The following UNC13C variants were observed in gnomAD, a reference collection of about 807,000 sequenced individuals.
UNC13C encodes the protein protein unc-13 homolog C.
In UNC13C, 174 loss-of-function variants were observed where a neutral mutation model predicts 245.4. The observed-to-expected ratio is 0.71, with a 90% CI of 0.63 to 0.80. The LOEUF (loss-of-function observed/expected upper bound fraction) is 0.80. Among genes scored for constraint, UNC13C ranks in the 30% least tolerant of loss-of-function variants. UNC13C has a pLI of 0.00. For synonymous variants in UNC13C, 992 were observed against 895.1 expected, an observed-to-expected ratio of 1.11 and a Z score of -1.93; for missense variants, 2,829 against 2,602.9, an observed-to-expected ratio of 1.09 and a Z score of -1.89.
At chr15:54,586,597 G>A (rs1244480349) in intron 30 of UNC13C, among the ~76,000 whole-genome samples, 1 of 152,174 alleles carries the variant, frequency 6.6e-6, no homozygotes, top group Non-Finnish European at 1.5e-5. Context: ...ACATTGGAGG[G>A]TGGGGCTTTT....
intron 22 of UNC13C, among the ~76,000 whole-genome samples, chr15:54,505,279 T>C (rs544874545): frequency 6.6e-6 from 1 of 152,262 alleles, no homozygotes; most frequent in South Asian, 2.1e-4. Context: ...CCTTGCCAGG[T>C]GCCCCGTCCA....
At chr15:54,219,888 A>G (rs62010027) in intron 4 of UNC13C, among the ~76,000 whole-genome samples, 52,938 of 150,918 alleles carry the variant, frequency 0.35, 10,199 homozygotes, top group African/African-American at 0.49. Flanking sequence ...AATCAAAACC[A>G]CAGTGAGATA....
chr15:54,370,162 TA>T (rs1312057370), intron 17 of UNC13C, among the ~76,000 whole-genome samples: 3 of 152,130 alleles, frequency 2.0e-5, no homozygotes, highest in Admixed American at 1.3e-4. Flanking sequence ...TATGCACAGA[TA>T]GGGGGAAAAA....
chr15:53,958,669 T>C, the UNC13C span, among the ~76,000 whole-genome samples: 1 of 152,166 alleles, frequency 6.6e-6, no homozygotes, highest in South Asian at 2.1e-4. Flanking sequence ...TTAAAAGTAT[T>C]TTATATTGGT....
At chr15:54,321,900 T>A (rs1344377064) in intron 13 of UNC13C, 39 bp from the exon 14 acceptor site, 1 of 1,534,194 alleles carries the variant, frequency 6.5e-7, no homozygotes. Context: ...AATTAATTAA[T>A]TTCTGTCTTA....
At chr15:54,416,418 C>G (rs1596345186) in intron 19 of UNC13C, among the ~76,000 whole-genome samples, 8 of 152,234 alleles carry the variant, frequency 5.3e-5, no homozygotes, top group Admixed American at 5.2e-4. Context: ...CTCCCACTCA[C>G]AAATAGAGAG....
chr15:54,202,385 A>C (rs2034551079), intron 4 of UNC13C, among the ~76,000 whole-genome samples: 1 of 152,060 alleles, frequency 6.6e-6, no homozygotes, highest in Non-Finnish European at 1.5e-5. Context: ...AAGAAGAACA[A>C]ATATGGAGGC....
At chr15:54,337,542 A>T (rs911904553) in intron 16 of UNC13C, among the ~76,000 whole-genome samples, 2 of 152,190 alleles carry the variant, frequency 1.3e-5, no homozygotes, top group Non-Finnish European at 2.9e-5. Context: ...CACACCAGTC[A>T]TCCAGTCTGT....
chr15:54,143,837 TA>T (rs1250847338), intron 4 of UNC13C, among the ~76,000 whole-genome samples, 153 bp downstream of exon 4: 2 of 152,052 alleles, frequency 1.3e-5, no homozygotes, highest in African/African-American at 2.4e-5. Flanking sequence ...AGTGTTTTCT[TA>T]AAAAAATGTA....
chr15:54,622,358 A>G lies in UNC13C; in HGVS notation c.6138A>G (p.Ile2046Met). The change falls in exon 31 of 33, where the codon ATA becomes ATG. Residue 2046 changes from isoleucine to methionine, a missense_variant. Physicochemically the swap from Ile to Met is conservative, Grantham distance 10. Transcript: ENST00000260323. ...SRSSKDAVGQ[I>M]SVHVDITATP... is the part of the protein sequence containing the mutation. Reference sequence around the variant, plus strand: ...CCTCCAAAGATGCCGTGGGTCAGATATCTGTTCATGTGGACATCACTGCCA... The same window carrying G: ...CCTCCAAAGATGCCGTGGGTCAGATGTCTGTTCATGTGGACATCACTGCCA... 2 of 1,613,376 alleles carry G rather than the reference A, an allele frequency of 1.2e-6. No homozygotes were observed. Among genetic ancestry groups the G allele is most frequent in the Non-Finnish European group, 1.7e-6 (2 of 1,179,474 alleles).
At chr15:54,323,950 G>A (rs1371754550) in intron 14 of UNC13C, among the ~76,000 whole-genome samples, 1 of 151,972 alleles carries the variant, frequency 6.6e-6, no homozygotes, top group Non-Finnish European at 1.5e-5. Flanking sequence ...AGGAAAATTA[G>A]ATAACATGCT....
At chr15:54,518,096 C>T (rs926596454) in intron 24 of UNC13C, among the ~76,000 whole-genome samples, 8 of 152,078 alleles carry the variant, frequency 5.3e-5, no homozygotes, top group African/African-American at 1.9e-4. Context: ...TCCTAATCAT[C>T]TCTGCAATTA....
chr15:53,936,448 G>C, the UNC13C span, among the ~76,000 whole-genome samples: 1 of 152,234 alleles, frequency 6.6e-6, no homozygotes. Flanking sequence ...TTTCCTGCCT[G>C]CTGGCTCTGG....
At chr15:54,419,818 T>G (rs1220463739) in intron 19 of UNC13C, among the ~76,000 whole-genome samples, 2 of 151,552 alleles carry the variant, frequency 1.3e-5, no homozygotes, top group Non-Finnish European at 2.9e-5. Context: ...AATTTAAATT[T>G]CTTGTTAACT....
At chr15:54,516,627 T>G (rs1303366747) in intron 24 of UNC13C, among the ~76,000 whole-genome samples, 1 of 151,982 alleles carries the variant, frequency 6.6e-6, no homozygotes, top group Non-Finnish European at 1.5e-5. Context: ...GGCAAAATCC[T>G]GTTTCTACTA....
At chr15:53,839,172 A>C in the UNC13C span, among the ~76,000 whole-genome samples, 1 of 151,964 alleles carries the variant, frequency 6.6e-6, no homozygotes, top group Non-Finnish European at 1.5e-5. Context: ...GCTGTGAGAA[A>C]TCTGTCTCCC....
At chr15:54,019,932 GGCA>G (rs1244599649) in intron 2 of UNC13C, among the ~76,000 whole-genome samples, 2 of 152,156 alleles carry the variant, frequency 1.3e-5, no homozygotes, top group Non-Finnish European at 2.9e-5. Context: ...AACGGGGCCA[GGCA>G]TATGCCTTTA....
intron 1 of UNC13C, among the ~76,000 whole-genome samples, chr15:54,008,081 A>T (rs1895222072): frequency 6.6e-6 from 1 of 152,258 alleles, no homozygotes; most frequent in Admixed American, 6.5e-5. Flanking sequence ...TAATTCTGGT[A>T]ATGATTTAGC....
chr15:54,054,026 A>AT (rs1390999877), intron 2 of UNC13C, among the ~76,000 whole-genome samples: 1 of 152,158 alleles, frequency 6.6e-6, no homozygotes, highest in African/African-American at 2.4e-5. Flanking sequence ...CATTCGTCTG[A>AT]TGATAGACAC....
Sources: gnomAD v4.1 joint callset for allele counts (sites outside exome capture counted in the v4.1 genomes callset) on GRCh38, gnomAD v4.1.1 for gene constraint, MANE v1.5 for transcripts, NCBI Gene and HGNC (gene_info 2026-07-23, HGNC 2026-07-21) for gene names.